The following STS variants were observed in gnomAD, a reference collection of about 807,000 sequenced individuals.
STS encodes the protein steryl-sulfatase.
Under a neutral mutation model 26.8 loss-of-function variants are expected in STS, and 7 were observed. The observed-to-expected ratio is 0.26, with a 90% CI of 0.15 to 0.49. The LOEUF (loss-of-function observed/expected upper bound fraction) is 0.49. STS is among the 20% of genes least tolerant of loss of function. The pLI is 0.98. For missense variants in STS, 434 were observed against 465.6 expected, an observed-to-expected ratio of 0.93 and a Z score of 0.63; for synonymous variants, 199 against 189.4, an observed-to-expected ratio of 1.05 and a Z score of -0.42.
intron 2 of STS, among the ~76,000 whole-genome samples, chrX:7,248,657 CATT>C (rs1371632852): frequency 4.2e-5 from 3 of 70,714 alleles, no homozygotes; most frequent in African/African-American, 1.5e-4. Context: ...TCAAATTTAA[CATT>C]ATAAGAATTT....
intron 2 of STS, among the ~76,000 whole-genome samples, chrX:7,212,029 C>CA (rs1302886069): frequency 8.0e-5 from 9 of 112,210 alleles, no homozygotes; most frequent in African/African-American, 2.6e-4. Flanking sequence ...CCTTTGCAGC[C>CA]TGTCCATTTG....
At chrX:7,300,815 G>A (rs1408176688) in intron 7 of STS, among the ~76,000 whole-genome samples, 1 of 111,631 alleles carries the variant, frequency 9.0e-6, no homozygotes, top group African/African-American at 3.3e-5. Flanking sequence ...AAATATCATG[G>A]TCATTTGAAA....
At chrX:7,299,644 A>G (rs1344978993) in intron 7 of STS, among the ~76,000 whole-genome samples, 2 of 110,606 alleles carry the variant, frequency 1.8e-5, no homozygotes, top group African/African-American at 6.6e-5. Flanking sequence ...GAAATGAACT[A>G]AAATGACAAG....
chrX:7,229,628 G>T (rs189065787), intron 2 of STS, among the ~76,000 whole-genome samples: 1 of 110,730 alleles, frequency 9.0e-6, no homozygotes, highest in East Asian at 2.9e-4. Context: ...GCTTCATGAA[G>T]ACTGCAGGAG....
intron 8 of STS, among the ~76,000 whole-genome samples, chrX:7,309,417 G>A (rs1385758225): frequency 1.8e-5 from 2 of 110,840 alleles, no homozygotes; most frequent in African/African-American, 3.3e-5. Flanking sequence ...AGGAGGGAAA[G>A]GAGCAGGAAA....
In STS at chrX:7,256,626, C is replaced by T. The variant is rs148443626; in HGVS notation, c.138-616C>T. Among the ~76,000 whole-genome samples the T allele has an allele frequency of 3.6e-3, 397 of 111,595 alleles. 1 individual carries two copies. The highest frequency in any genetic ancestry group is 5.7e-3 in the Non-Finnish European group (302 of 53,115). ...CAGAGGTAACTTAGGAGATGTGGAT[C>T]GGAGAAGAGTGAAGCCTCATCCTCA... On this transcript the variant is annotated intron_variant, in intron 3 of 10. Coordinates refer to ENST00000674429, the MANE Select transcript of STS (RefSeq NM_001320752.2).
chrX:7,250,076 C>T (rs1191806672), intron 2 of STS, among the ~76,000 whole-genome samples: 2 of 110,310 alleles, frequency 1.8e-5, no homozygotes, highest in African/African-American at 6.6e-5. Context: ...TACAGACGTG[C>T]ACCACCATGC....
intron 6 of STS, among the ~76,000 whole-genome samples, chrX:7,260,435 C>G (rs1923686230): frequency 9.0e-6 from 1 of 110,649 alleles, no homozygotes; most frequent in Non-Finnish European, 1.9e-5. Flanking sequence ...GAGGGAATCT[C>G]TCTGTGTCGC....
In STS at chrX:7,221,801, A is replaced by G. The variant is rs762643784; in HGVS notation, c.-5+30793A>G. ...GTGCGCCTCTAGGCAGTAAATGTTT[A>G]TCGGTGGACATTCACCTAATATACA... On this transcript the variant is annotated intron_variant, in intron 2 of 10. Transcript: ENST00000674429. Among the ~76,000 whole-genome samples, 4 of 112,533 alleles carry G rather than the reference A, an allele frequency of 3.6e-5. No homozygotes were observed. In the East Asian group the frequency reaches 1.1e-3, roughly 31 times the overall value.
chrX:7,303,447 G>A (rs1188828201), intron 7 of STS, among the ~76,000 whole-genome samples: 2 of 111,244 alleles, frequency 1.8e-5, no homozygotes, highest in African/African-American at 6.5e-5. Flanking sequence ...TTGGGGCTGG[G>A]ATAAGGGTCT....
intron 2 of STS, among the ~76,000 whole-genome samples, chrX:7,238,705 G>T (rs752816252): frequency 2.2e-4 from 23 of 104,835 alleles, no homozygotes; most frequent in African/African-American, 7.7e-4. Context: ...GGTGGTGCAT[G>T]CCCGTAGTCC....
intron 2 of STS, among the ~76,000 whole-genome samples, chrX:7,235,353 C>A (rs1443574460): frequency 8.9e-6 from 1 of 112,220 alleles, no homozygotes; most frequent in Admixed American, 9.5e-5. Flanking sequence ...TATCCCAAGT[C>A]TGTACATTTG....
intron 1 of STS, among the ~76,000 whole-genome samples, chrX:7,153,989 C>T (rs1045933514): frequency 3.6e-5 from 4 of 110,648 alleles, no homozygotes; most frequent in Non-Finnish European, 7.6e-5. Flanking sequence ...CCTGCCCTCT[C>T]TCCCTCTTTT....
At chrX:7,215,023 T>TCG (rs1491187263) in intron 2 of STS, among the ~76,000 whole-genome samples, 4 of 65,128 alleles carry the variant, frequency 6.1e-5, no homozygotes, top group Non-Finnish European at 1.2e-4. Context: ...TATATATATA[T>TCG]TATATATGTA....
chrX:7,238,478 A>G (rs1049570353), intron 2 of STS, among the ~76,000 whole-genome samples: 5 of 110,034 alleles, frequency 4.5e-5, no homozygotes, highest in South Asian at 8.0e-4. Flanking sequence ...TCCATTGCTG[A>G]TTGTCCTCCC....
intron 1 of STS, among the ~76,000 whole-genome samples, chrX:7,178,789 T>C (rs1933622646): frequency 1.8e-5 from 2 of 110,621 alleles, no homozygotes; most frequent in Non-Finnish European, 3.8e-5. Flanking sequence ...TCTCTGTCCT[T>C]CTCTCTCTGT....
rs150091245 is a variant in STS, at chrX:7,275,389, G to A, written c.807-562G>A. On this transcript the variant is annotated intron_variant, in intron 6 of 10. Transcript: ENST00000674429. Reference sequence around the variant, plus strand: ...TTCCACATGGTAAACATATATTATTGCACTGTCCCCAACAAGTCTATACAA... The same window carrying A: ...TTCCACATGGTAAACATATATTATTACACTGTCCCCAACAAGTCTATACAA... 6.5e-3 allele frequency among the ~76,000 whole-genome samples: 724 copies of A among 110,779 alleles called. 1 individual carries two copies. Among genetic ancestry groups the A allele is most frequent in the African/African-American group, 0.023 (686 of 30,479 alleles).
intron 2 of STS, among the ~76,000 whole-genome samples, chrX:7,200,134 T>C (rs1346556016): frequency 9.1e-6 from 1 of 110,145 alleles, no homozygotes; most frequent in Non-Finnish European, 1.9e-5. Flanking sequence ...TGAGAATATC[T>C]AGAATCAGTT....
chrX:7,237,318 G>GTTGTTGTTGTTAT (rs1922369597), intron 2 of STS, among the ~76,000 whole-genome samples: 2 of 109,614 alleles, frequency 1.8e-5, no homozygotes, highest in African/African-American at 6.7e-5. Context: ...CACACTTTTT[G>GTTGTTGTTGTTAT]TTGTTGTTGT....
Sources: allele counts gnomAD v4.1 joint callset (sites outside exome capture counted in the v4.1 genomes callset), GRCh38; gene constraint gnomAD v4.1.1; transcripts MANE v1.5; gene names NCBI Gene and HGNC (gene_info 2026-07-23, HGNC 2026-07-21).